The following BAZ2B variants were observed in gnomAD, a reference collection of about 807,000 sequenced individuals.
BAZ2B encodes bromodomain adjacent to zinc finger domain protein 2B.
Under a neutral mutation model 246.0 loss-of-function variants are expected in BAZ2B, and 91 were observed. The observed-to-expected ratio is 0.37, with a 90% CI of 0.31 to 0.44. BAZ2B has a LOEUF of 0.44. Among genes scored for constraint, BAZ2B ranks in the 20% least tolerant of loss-of-function variants. BAZ2B has a pLI of 1.00. For missense variants in BAZ2B, 2,332 were observed against 2,533.7 expected, an observed-to-expected ratio of 0.92 and a Z score of 1.71; for synonymous variants, 855 against 860.0, an observed-to-expected ratio of 0.99 and a Z score of 0.10.
At chr2:159,537,032 T>C (rs2151359146) in intron 2 of BAZ2B, among the ~76,000 whole-genome samples, 1 of 152,136 alleles carries the variant, frequency 6.6e-6, no homozygotes, top group Non-Finnish European at 1.5e-5. Context: ...AATGAGTAAA[T>C]AAAATATGGC....
chr2:159,523,135 G>A (rs1249314829), intron 2 of BAZ2B, among the ~76,000 whole-genome samples: 1 of 152,062 alleles, frequency 6.6e-6, no homozygotes, highest in Non-Finnish European at 1.5e-5. Context: ...AGATGTGGTG[G>A]CATGTGCCTG....
chr2:159,521,182 G>T (rs996010585), intron 2 of BAZ2B, among the ~76,000 whole-genome samples: 1 of 151,826 alleles, frequency 6.6e-6, no homozygotes, highest in Non-Finnish European at 1.5e-5. Context: ...AATCAATCAA[G>T]ATTCATTCTG....
At chr2:159,347,731 T>C in intron 30 of BAZ2B, 85 bp from the exon 31 acceptor site, 3 of 1,168,346 alleles carry the variant, frequency 2.6e-6, no homozygotes, top group Non-Finnish European at 3.6e-6. Context: ...AATAAAATTC[T>C]AGGAGACCCA....
At chr2:159,462,787 T>C in intron 3 of BAZ2B, 3 of 1,413,154 alleles carry the variant, frequency 2.1e-6, no homozygotes, top group South Asian at 1.2e-5. Flanking sequence ...TTTCAATACA[T>C]GCAATAATAG....
intron 2 of BAZ2B, among the ~76,000 whole-genome samples, chr2:159,527,084 T>C (rs1163328972): frequency 6.6e-6 from 1 of 152,122 alleles, no homozygotes; most frequent in Non-Finnish European, 1.5e-5. Context: ...TTTTTAATTT[T>C]AATTTTTTTA....
chr2:159,335,294 C>A (rs2065438769), intron 33 of BAZ2B, among the ~76,000 whole-genome samples: 1 of 152,034 alleles, frequency 6.6e-6, no homozygotes, highest in African/African-American at 2.4e-5. Flanking sequence ...TGCTTGTAAT[C>A]CCAGCACTTT....
chr2:159,381,264 G>T (rs1045497515), intron 25 of BAZ2B, among the ~76,000 whole-genome samples: 1 of 152,088 alleles, frequency 6.6e-6, no homozygotes, highest in African/African-American at 2.4e-5. Flanking sequence ...AAATCTAACT[G>T]ACTGCTAAGC....
downstream of BAZ2B, among the ~76,000 whole-genome samples, chr2:159,317,234 C>A (rs2062219036): frequency 6.6e-6 from 1 of 152,028 alleles, no homozygotes; most frequent in Non-Finnish European, 1.5e-5. Context: ...GCTAAAGGGA[C>A]AGAATTTTGA....
intron 3 of BAZ2B, among the ~76,000 whole-genome samples, chr2:159,454,218 G>T (rs1405205790): frequency 6.6e-6 from 1 of 152,104 alleles, no homozygotes; most frequent in Non-Finnish European, 1.5e-5. Flanking sequence ...TCCAGGATCT[G>T]TCACCAGGTC....
intron 25 of BAZ2B, among the ~76,000 whole-genome samples, chr2:159,376,667 T>C (rs929273775): frequency 6.6e-6 from 1 of 152,212 alleles, no homozygotes; most frequent in South Asian, 2.1e-4. Context: ...AATCTGTTCA[T>C]GCAAAAATAC....
chr2:159,550,628 A>G (rs1039190393), intron 2 of BAZ2B, among the ~76,000 whole-genome samples: 2 of 152,146 alleles, frequency 1.3e-5, no homozygotes, highest in Middle Eastern at 3.2e-3. Context: ...ACAACTATCA[A>G]TCATGCCATA....
At chr2:159,640,827 T>TA in the BAZ2B span, among the ~76,000 whole-genome samples, 34 of 140,006 alleles carry the variant, frequency 2.4e-4, no homozygotes, top group East Asian at 6.1e-4. Context: ...ATGAAACATT[T>TA]AAAAAAAAAA....
the BAZ2B span, among the ~76,000 whole-genome samples, chr2:159,669,414 T>A: frequency 5.3e-5 from 8 of 152,226 alleles, no homozygotes; most frequent in Non-Finnish European, 1.2e-4. Context: ...TATTTGGCAG[T>A]TATTTAGGTA....
At chr2:159,706,077 C>T in the BAZ2B span, among the ~76,000 whole-genome samples, 3 of 51,266 alleles carry the variant, frequency 5.9e-5, no homozygotes, top group Non-Finnish European at 1.4e-4. Flanking sequence ...TTTCTGTAAA[C>T]ATATATAACA....
At chr2:159,624,027 G>T in the BAZ2B span, among the ~76,000 whole-genome samples, 2 of 152,212 alleles carry the variant, frequency 1.3e-5, no homozygotes, top group Non-Finnish European at 2.9e-5. Context: ...ATCTGCCATT[G>T]ATGAGGCTTG....
At chr2:159,634,029 C>T in the BAZ2B span, among the ~76,000 whole-genome samples, 4 of 152,048 alleles carry the variant, frequency 2.6e-5, no homozygotes, top group Non-Finnish European at 5.9e-5. Context: ...TGTGAGCCAC[C>T]GTGCCCAGCC....
At chr2:159,530,515 TA>T (rs1291993614) in intron 2 of BAZ2B, among the ~76,000 whole-genome samples, 3 of 152,290 alleles carry the variant, frequency 2.0e-5, no homozygotes, top group East Asian at 3.9e-4. Context: ...GAAAGGACTT[TA>T]AAAAATACCC....
At chr2:159,581,338 C>T (rs1366558199) in intron 1 of BAZ2B, among the ~76,000 whole-genome samples, 1 of 152,108 alleles carries the variant, frequency 6.6e-6, no homozygotes, top group Non-Finnish European at 1.5e-5. Context: ...TCATCACTGG[C>T]CATCAGAGAA....
At chr2:159,470,563 G>C (rs901282420) in intron 3 of BAZ2B, among the ~76,000 whole-genome samples, 1 of 152,218 alleles carries the variant, frequency 6.6e-6, no homozygotes, top group African/African-American at 2.4e-5. Context: ...TAGAAGTGGA[G>C]AGCCAGTTAG....
Sources: gnomAD v4.1 joint callset for allele counts (sites outside exome capture counted in the v4.1 genomes callset) on GRCh38, gnomAD v4.1.1 for gene constraint, MANE v1.5 for transcripts, NCBI Gene and HGNC (gene_info 2026-07-23, HGNC 2026-07-21) for gene names.